Variants in CUL2 observed in about 807,000 individuals in gnomAD.
The protein encoded by CUL2 is cullin-2.
CUL2 carries 22 observed loss-of-function variants against 110.2 expected under a neutral mutation model. That is an observed-to-expected ratio of 0.20 (90% CI 0.14 to 0.28). CUL2 has a LOEUF of 0.28. CUL2 is among the 10% of genes least tolerant of loss of function. CUL2 has a pLI of 1.00. For missense variants in CUL2, 631 were observed against 905.5 expected, an observed-to-expected ratio of 0.70 and a Z score of 3.89; for synonymous variants, 279 against 293.2, an observed-to-expected ratio of 0.95 and a Z score of 0.49.
chr10:35,043,120 C>A (rs1397483919), intron 8 of CUL2, among the ~76,000 whole-genome samples: 1 of 152,082 alleles, frequency 6.6e-6, no homozygotes, highest in Non-Finnish European at 1.5e-5. Flanking sequence ...TTTCACTACA[C>A]ACGATGAATA....
chr10:35,106,583 C>T (rs1479252720), intron 1 of CUL2, among the ~76,000 whole-genome samples: 1 of 151,748 alleles, frequency 6.6e-6, no homozygotes, highest in Non-Finnish European at 1.5e-5. Flanking sequence ...CCGCCCACCT[C>T]GGCCTCCCAA....
At chr10:35,029,296 A>T (rs1226136744) in intron 15 of CUL2, among the ~76,000 whole-genome samples, 192 bp downstream of exon 15, 2 of 152,158 alleles carry the variant, frequency 1.3e-5, no homozygotes, top group Non-Finnish European at 2.9e-5. Flanking sequence ...AGCTCAAGAG[A>T]TCTGCCTGCT....
intron 2 of CUL2, among the ~76,000 whole-genome samples, chr10:35,100,650 T>A (rs2087363478): frequency 6.8e-6 from 1 of 148,078 alleles, no homozygotes; most frequent in South Asian, 2.1e-4. Context: ...TAATCCCAGC[T>A]ACTCGGGAGG....
intron 2 of CUL2, among the ~76,000 whole-genome samples, chr10:35,065,791 G>A (rs748628850): frequency 2.6e-5 from 4 of 151,566 alleles, no homozygotes; most frequent in Non-Finnish European, 5.9e-5. Context: ...CTCAGGAGGC[G>A]GAGGTTGCAG....
intron 1 of CUL2, among the ~76,000 whole-genome samples, chr10:35,078,728 A>C (rs146579745): frequency 1.2e-4 from 18 of 152,332 alleles, no homozygotes; most frequent in African/African-American, 4.3e-4. Flanking sequence ...TTTGTATTTT[A>C]CTTACCTTCT....
intron 1 of CUL2, among the ~76,000 whole-genome samples, chr10:35,104,412 C>T (rs544747032): frequency 2.0e-5 from 3 of 152,174 alleles, no homozygotes; most frequent in Non-Finnish European, 4.4e-5. Context: ...CGCCATTGCA[C>T]TGTAGCCTGG....
chr10:35,051,355 T>G (rs1281464207), intron 5 of CUL2, among the ~76,000 whole-genome samples: 1 of 150,836 alleles, frequency 6.6e-6, no homozygotes, highest in Non-Finnish European at 1.5e-5. Flanking sequence ...GGCTCACGCC[T>G]GTAATCCCAG....
chr10:35,049,660 G>T (rs780349401), intron 6 of CUL2, 23 bp downstream of exon 6: 50 of 1,584,176 alleles, frequency 3.2e-5, no homozygotes, highest in Non-Finnish European at 4.2e-5. Flanking sequence ...AATTGACTCA[G>T]TAAGATAAAT....
At chr10:35,043,628 T>C (rs1184241750) in intron 8 of CUL2, among the ~76,000 whole-genome samples, 8 of 152,182 alleles carry the variant, frequency 5.3e-5, no homozygotes, top group African/African-American at 1.4e-4. Flanking sequence ...AATCCAACAC[T>C]GCAGATTTAA....
intron 16 of CUL2, among the ~76,000 whole-genome samples, chr10:35,025,482 T>C (rs1480343133): frequency 6.6e-6 from 1 of 152,174 alleles, no homozygotes; most frequent in Non-Finnish European, 1.5e-5. Context: ...CAGTGATTCA[T>C]TATCATTTCT....
At chr10:35,039,143 A>G (rs2085711932) in intron 8 of CUL2, 61 bp from the exon 9 acceptor site, 3 of 1,154,922 alleles carry the variant, frequency 2.6e-6, no homozygotes, top group African/African-American at 3.1e-5. Flanking sequence ...AAAATCTGTA[A>G]TATCAGCAAG....
At chr10:35,016,554 G>T (rs2134635294) in intron 17 of CUL2, among the ~76,000 whole-genome samples, 160 bp from the exon 18 acceptor site, 1 of 152,290 alleles carries the variant, frequency 6.6e-6, no homozygotes, top group East Asian at 1.9e-4. Context: ...GTTTCTTGGG[G>T]AGGTGAGGAT....
Position 35,010,442 on chromosome 10 carries a change from C to A in CUL2, c.2107G>T (p.Val703Leu). ...AACCTAGCTCTTGACTGGCTAATCA[C>A]CTGTGGAAGAGATGTGGAAGTCAAA... is the stretch of plus-strand genomic sequence containing the variant. Reference protein sequence around the residue: ...VLRHNALIQEVISQSRARFNP... With the variant: ...VLRHNALIQELISQSRARFNP... Residue 703 changes from valine (V) to leucine (L), a missense_variant and splice_region_variant, in exon 21 of 21, where the codon GTG becomes TTG. This residue lies in a region of CUL2 where 159 missense variants were observed against 202.7 expected (regional missense o/e 0.78). Coordinates refer to ENST00000374749, the MANE Select transcript of CUL2 (RefSeq NM_003591.4). 1 of 1,601,708 alleles carries A rather than the reference C, an allele frequency of 6.2e-7. No homozygotes were observed. Among genetic ancestry groups the A allele is most frequent in the Non-Finnish European group, 8.5e-7 (1 of 1,174,386 alleles).
intron 10 of CUL2, among the ~76,000 whole-genome samples, chr10:35,033,889 G>A (rs1433260260): frequency 6.6e-6 from 1 of 152,108 alleles, no homozygotes; most frequent in African/African-American, 2.4e-5. Flanking sequence ...CTTATCTTAA[G>A]GATAACAAGA....
chr10:35,030,804 G>A (rs968655841), intron 14 of CUL2, among the ~76,000 whole-genome samples: 10 of 141,884 alleles, frequency 7.0e-5, no homozygotes, highest in Non-Finnish European at 1.3e-4. Flanking sequence ...GAGGCGGGAG[G>A]ATCGCTTGAG....
At chr10:35,020,130 C>T (rs2085145574) in intron 17 of CUL2, among the ~76,000 whole-genome samples, 1 of 151,728 alleles carries the variant, frequency 6.6e-6, no homozygotes, top group South Asian at 2.1e-4. Flanking sequence ...AACTAATTTC[C>T]ACTTTCCAGA....
intron 2 of CUL2, among the ~76,000 whole-genome samples, chr10:35,064,591 C>CCTA (rs1488060907): frequency 1.3e-5 from 2 of 152,182 alleles, no homozygotes; most frequent in Non-Finnish European, 2.9e-5. Flanking sequence ...GCTCCATTTA[C>CCTA]CTAGCATCCT....
intron 1 of CUL2, among the ~76,000 whole-genome samples, chr10:35,083,842 C>A (rs2086996972): frequency 6.6e-6 from 1 of 152,184 alleles, no homozygotes; most frequent in Non-Finnish European, 1.5e-5. Flanking sequence ...TCTCCTTCAA[C>A]TGAATTAAAA....
At chr10:35,100,981 C>T (rs184397139) in exon 2 of CUL2, 1 of 152,452 alleles carries the variant, frequency 6.6e-6, no homozygotes, top group Admixed American at 6.6e-5. Flanking sequence ...TCCTTTGCCA[C>T]CTGAGTTTTT....
Sources: gnomAD v4.1 joint callset for allele counts (sites outside exome capture counted in the v4.1 genomes callset) on GRCh38, gnomAD v4.1.1 for gene constraint, gnomAD v4.1.1 regional missense constraint, MANE v1.5 for transcripts, NCBI Gene and HGNC (gene_info 2026-07-23, HGNC 2026-07-21) for gene names.